The following PACRG variants were observed in gnomAD, a reference collection of about 807,000 sequenced individuals.
PACRG encodes parkin coregulated gene protein.
PACRG carries 29 observed loss-of-function variants against 29.7 expected under a neutral mutation model. The observed-to-expected ratio is 0.98, with a 90% confidence interval of 0.73 to 1.33. The LOEUF is 1.33. Among genes scored for constraint, PACRG ranks in the 40% most tolerant of loss-of-function variants. The pLI, the probability that PACRG is intolerant of heterozygous loss-of-function variation, is 0.00. For missense variants in PACRG, 279 were observed against 316.2 expected (o/e 0.88, Z 0.89); for synonymous variants, 116 against 118.7 (o/e 0.98, Z 0.15).
chr6:163,248,071 C>T (rs1423225835), intron 4 of PACRG, among the ~76,000 whole-genome samples: 1 of 152,170 alleles, frequency 6.6e-6, no homozygotes, highest in Non-Finnish European at 1.5e-5. Context: ...CAAGAAAATG[C>T]TACCTCCATG....
At chr6:162,899,250 AGAG>A (rs1371500098) in intron 2 of PACRG, among the ~76,000 whole-genome samples, 1 of 152,056 alleles carries the variant, frequency 6.6e-6, no homozygotes, top group Non-Finnish European at 1.5e-5. Context: ...CAGGGGAGAA[AGAG>A]GAGGTTAGAG....
chr6:163,131,906 T>C (rs924259686), intron 4 of PACRG, among the ~76,000 whole-genome samples: 7 of 152,252 alleles, frequency 4.6e-5, no homozygotes, highest in African/African-American at 1.7e-4. Context: ...TTTTCATTTA[T>C]TCATTTACTA....
intron 4 of PACRG, among the ~76,000 whole-genome samples, chr6:163,286,621 C>CAGTA (rs979744052): frequency 2.0e-5 from 3 of 152,170 alleles, no homozygotes; most frequent in Non-Finnish European, 4.4e-5. Flanking sequence ...TGAGAACAGG[C>CAGTA]AGTATATCCA....
chr6:163,027,791 A>G (rs965726685), intron 2 of PACRG, among the ~76,000 whole-genome samples: 2 of 152,222 alleles, frequency 1.3e-5, no homozygotes, highest in Non-Finnish European at 2.9e-5. Flanking sequence ...GTGGCACCCA[A>G]CAGGGTGCAG....
At chr6:162,971,223 T>A (rs1369363722) in intron 2 of PACRG, among the ~76,000 whole-genome samples, 1 of 152,182 alleles carries the variant, frequency 6.6e-6, no homozygotes, top group East Asian at 1.9e-4. Context: ...GGAGCTAAGC[T>A]CTGTTCCGAG....
chr6:163,116,413 C>T (rs971733668), intron 4 of PACRG, among the ~76,000 whole-genome samples: 1 of 152,030 alleles, frequency 6.6e-6, no homozygotes, highest in Non-Finnish European at 1.5e-5. Context: ...GACCACAATT[C>T]GACGTGATAT....
At chr6:163,193,975 C>G (rs1780336932) in intron 4 of PACRG, among the ~76,000 whole-genome samples, 1 of 151,144 alleles carries the variant, frequency 6.6e-6, no homozygotes, top group Admixed American at 6.6e-5. Flanking sequence ...TCAGTGCAAC[C>G]TCCACCTCCT....
intron 2 of PACRG, among the ~76,000 whole-genome samples, chr6:163,024,555 C>G (rs899306059): frequency 2.0e-5 from 3 of 152,180 alleles, no homozygotes; most frequent in Admixed American, 6.5e-5. Flanking sequence ...TTTGGCTATT[C>G]AGGCTCTTTC....
chr6:163,128,356 C>T (rs762050974), intron 4 of PACRG, among the ~76,000 whole-genome samples: 8 of 152,128 alleles, frequency 5.3e-5, no homozygotes, highest in Admixed American at 2.6e-4. Context: ...TATTAGGAAA[C>T]GAAATACAAA....
chr6:163,303,186 C>T (rs905262468), intron 4 of PACRG, among the ~76,000 whole-genome samples: 2 of 151,950 alleles, frequency 1.3e-5, no homozygotes, highest in Non-Finnish European at 2.9e-5. Flanking sequence ...AAAAATTAAC[C>T]AGGCGTGGTA....
chr6:163,233,057 AT>A (rs1351473353), intron 4 of PACRG, among the ~76,000 whole-genome samples: 2 of 152,106 alleles, frequency 1.3e-5, no homozygotes, highest in African/African-American at 4.8e-5. Flanking sequence ...CTTCAAACAC[AT>A]TTTCTGTTAA....
intron 1 of PACRG, among the ~76,000 whole-genome samples, chr6:162,775,821 C>G (rs1298832250): frequency 1.3e-5 from 2 of 152,056 alleles, no homozygotes; most frequent in African/African-American, 2.4e-5. Context: ...TTAAAAAATC[C>G]TTAGAAATCA....
intron 1 of PACRG, among the ~76,000 whole-genome samples, chr6:162,748,803 G>A (rs568747346): frequency 2.0e-5 from 3 of 151,872 alleles, no homozygotes; most frequent in Non-Finnish European, 4.4e-5. Flanking sequence ...TACGTATTAT[G>A]CTTATACTAC....
rs1562349763 is a variant in PACRG, at chr6:163,269,910, G to GA, written c.614-44914dup. On this transcript the variant is annotated intron_variant, in intron 4 of 4. Coordinates refer to ENST00000366888, the MANE Select transcript of PACRG (RefSeq NM_001080379.2). ...GAAAGAAAACAAAGAAAGAAAGAAA[G>GA]AAAGAAAGAAAGAAAGAAAACAAAG... is the stretch of plus-strand genomic sequence containing the variant. Among the ~76,000 whole-genome samples the GA allele has an allele frequency of 3.5e-4, 24 of 69,058 alleles. 1 individual carries two copies. Among genetic ancestry groups the GA allele is most frequent in the African/African-American group, 1.3e-3 (17 of 13,090 alleles). 45.3% of individuals were successfully genotyped at this position (69,058 alleles called of 152,430 possible).
At chr6:163,062,962 A>G (rs1041489561) in intron 3 of PACRG, among the ~76,000 whole-genome samples, 1 of 152,028 alleles carries the variant, frequency 6.6e-6, no homozygotes, top group Non-Finnish European at 1.5e-5. Context: ...GGGGTTCCAG[A>G]ACACTCTCTG....
At chr6:163,182,226 A>G (rs1779708237) in intron 4 of PACRG, among the ~76,000 whole-genome samples, 1 of 152,222 alleles carries the variant, frequency 6.6e-6, no homozygotes, top group Admixed American at 6.5e-5. Context: ...CAATGAGTTA[A>G]GTAGTTTTTC....
At chr6:163,224,289 A>T (rs1047720050) in intron 4 of PACRG, among the ~76,000 whole-genome samples, 2 of 145,248 alleles carry the variant, frequency 1.4e-5, no homozygotes, top group Admixed American at 7.2e-5. Flanking sequence ...GAATAACTTG[A>T]ACCTGGGATA....
chr6:162,947,302 A>AT (rs1554312822), intron 2 of PACRG, among the ~76,000 whole-genome samples: 1 of 111,748 alleles, frequency 8.9e-6, no homozygotes, highest in Non-Finnish European at 1.9e-5. Context: ...ATAATCATAT[A>AT]ATATATATAA....
intron 2 of PACRG, among the ~76,000 whole-genome samples, chr6:162,815,564 G>T (rs1435764743): frequency 6.6e-6 from 1 of 151,202 alleles, no homozygotes; most frequent in Non-Finnish European, 1.5e-5. Flanking sequence ...AAATTTTGGG[G>T]GGGTGGGAAA....
Sources: allele counts gnomAD v4.1 joint callset (sites outside exome capture counted in the v4.1 genomes callset), GRCh38; gene constraint gnomAD v4.1.1; transcripts MANE v1.5; gene names NCBI Gene and HGNC (gene_info 2026-07-23, HGNC 2026-07-21).